The following PTPRD variants were observed in gnomAD, a reference collection of about 807,000 sequenced individuals.
PTPRD encodes the protein receptor-type tyrosine-protein phosphatase delta.
In PTPRD, 34 loss-of-function variants were observed where a neutral mutation model predicts 214.5. The observed-to-expected ratio is 0.16, with a 90% CI of 0.12 to 0.21. The LOEUF is 0.21. PTPRD is among the 10% of genes least tolerant of loss of function. The pLI, the probability that PTPRD is intolerant of heterozygous loss-of-function variation, is 1.00. For missense variants in PTPRD, 2,545 were observed against 2,398.7 expected (o/e 1.06, Z -1.27); for synonymous variants, 1,128 against 845.7 (o/e 1.33, Z -5.79).
rs199934546 is a variant in PTPRD at position 9,784,830 on chromosome 9, G to A, written c.-367-17979C>T. Among the ~76,000 whole-genome samples the A allele has an allele frequency of 9.6e-5, 14 of 146,186 alleles. No homozygotes were observed. In the East Asian group the frequency reaches 2.5e-3, roughly 26 times the overall value. On this transcript the variant is annotated intron_variant, in intron 5 of 45. Transcript: ENST00000381196. ...ATCATAAAACATATATTAGATATAT[G>A]TATGATGTCTTAATAATGTATTATA...
At chr9:9,159,473 C>T (rs544061930) in intron 10 of PTPRD, among the ~76,000 whole-genome samples, 14 of 151,872 alleles carry the variant, frequency 9.2e-5, no homozygotes, top group Non-Finnish European at 2.1e-4. Context: ...GCAACAACAA[C>T]AAAATATGTA....
At position 9,830,720 on chromosome 9, in the gene PTPRD, G is replaced by C. The variant is rs1010769672; in HGVS notation, c.-367-63869C>G. Among the ~76,000 whole-genome samples the C allele has an allele frequency of 2.0e-4, 31 of 151,886 alleles. 1 individual carries two copies. The highest frequency in any genetic ancestry group is 7.0e-4 in the African/African-American group (29 of 41,412). ...ACAATATAATATTGAAAGACTGGCA[G>C]TGAAATGGTGTGAAGTCCACTGATG... On this transcript the variant is annotated intron_variant, in intron 5 of 45. Transcript: ENST00000381196.
chr9:9,775,349 A>G (rs1565167853), intron 5 of PTPRD, among the ~76,000 whole-genome samples: 1 of 152,216 alleles, frequency 6.6e-6, no homozygotes, highest in Non-Finnish European at 1.5e-5. Context: ...GGGTTTTAAG[A>G]AGGAGGAGAT....
chr9:9,496,670 G>C (rs1030704851), intron 8 of PTPRD, among the ~76,000 whole-genome samples: 7 of 152,110 alleles, frequency 4.6e-5, no homozygotes, highest in African/African-American at 1.2e-4. Flanking sequence ...AAATGATATA[G>C]CTGCTGTGGA....
intron 3 of PTPRD, among the ~76,000 whole-genome samples, chr9:10,208,528 C>A (rs1462323855): frequency 6.6e-6 from 1 of 152,094 alleles, no homozygotes; most frequent in Non-Finnish European, 1.5e-5. Flanking sequence ...AATAAAAAGA[C>A]TAAAACCGCT....
chr9:9,770,362 T>C (rs566675053), intron 5 of PTPRD, among the ~76,000 whole-genome samples: 67 of 152,338 alleles, frequency 4.4e-4, no homozygotes, highest in Non-Finnish European at 7.6e-4. Flanking sequence ...CCAAAGTCAC[T>C]TTTAAGAAAA....
chr9:9,912,085 G>T (rs901971519), intron 5 of PTPRD, among the ~76,000 whole-genome samples: 5 of 152,112 alleles, frequency 3.3e-5, no homozygotes, highest in African/African-American at 7.2e-5. Flanking sequence ...AATATATATT[G>T]TAAGTGGGGG....
At chr9:10,208,509 G>T (rs993329705) in intron 3 of PTPRD, among the ~76,000 whole-genome samples, 1 of 152,174 alleles carries the variant, frequency 6.6e-6, no homozygotes. Context: ...GCGAGACTGC[G>T]TCTCAAAAAA....
intron 17 of PTPRD, chr9:8,525,295 AAC>A: frequency 1.7e-6 from 1 of 575,082 alleles, no homozygotes; most frequent in Non-Finnish European, 3.1e-6. Flanking sequence ...AGTCATAATT[AAC>A]ACTCTTATTT....
At position 10,604,384 on chromosome 9, in the gene PTPRD, A is replaced by C. The variant is rs1011063029; in HGVS notation, c.-600+8014T>G. Among the ~76,000 whole-genome samples, 6 of 151,982 alleles carry C rather than the reference A, an allele frequency of 3.9e-5. No individual in the cohort carries two copies. In the East Asian group the frequency reaches 1.2e-3, roughly 29 times the overall value. Reference sequence around the variant, plus strand: ...ATGAATGTGTCTTAGTGAATGTGTAATTTGTTTTATTAAATCCTGGCATGT... The same window carrying C: ...ATGAATGTGTCTTAGTGAATGTGTACTTTGTTTTATTAAATCCTGGCATGT... On this transcript the variant is annotated intron_variant, in intron 2 of 45. Transcript: ENST00000381196.
intron 10 of PTPRD, among the ~76,000 whole-genome samples, chr9:9,124,324 C>G (rs990922718): frequency 6.6e-6 from 1 of 152,032 alleles, no homozygotes; most frequent in Non-Finnish European, 1.5e-5. Context: ...TTCTAACTAT[C>G]TATCTATCTA....
At chr9:9,770,993 C>G (rs2098747603) in intron 5 of PTPRD, among the ~76,000 whole-genome samples, 1 of 152,068 alleles carries the variant, frequency 6.6e-6, no homozygotes, top group Non-Finnish European at 1.5e-5. Flanking sequence ...TGTGTTTTGA[C>G]TACAATAAGA....
chr9:9,675,945 A>G (rs1281371603), intron 7 of PTPRD, among the ~76,000 whole-genome samples: 1 of 152,068 alleles, frequency 6.6e-6, no homozygotes, highest in Admixed American at 6.6e-5. Flanking sequence ...ACTATACCCA[A>G]CAATGTTTCA....
rs182143935 is a variant in PTPRD at position 9,508,941 on chromosome 9, T to A, written c.-237+65791A>T. ...CTTGCATTTACCATATATATATTAATTACATGTTACTGCGTTCGCTAAATA... is the reference window on the plus strand; with the variant it reads ...CTTGCATTTACCATATATATATTAAATACATGTTACTGCGTTCGCTAAATA... On this transcript the variant is annotated intron_variant, in intron 8 of 45. Transcript: ENST00000381196. 3.5e-3 allele frequency among the ~76,000 whole-genome samples: 533 copies of A among 151,714 alleles called. 2 individuals are homozygous for A. Among genetic ancestry groups the A allele is most frequent in the Non-Finnish European group, 5.8e-3 (395 of 67,690 alleles).
At chr9:10,171,167 TA>T (rs1394752041) in intron 3 of PTPRD, among the ~76,000 whole-genome samples, 1 of 152,216 alleles carries the variant, frequency 6.6e-6, no homozygotes, top group Non-Finnish European at 1.5e-5. Flanking sequence ...CTGGGAGATC[TA>T]CTGTTCAACT....
At chr9:9,194,561 G>A (rs535215405) in intron 9 of PTPRD, among the ~76,000 whole-genome samples, 2 of 152,230 alleles carry the variant, frequency 1.3e-5, no homozygotes, top group East Asian at 1.9e-4. Flanking sequence ...CCACTGTCAT[G>A]TACTTGGTCT....
Position 8,440,476 on chromosome 9 carries a change from G to A in PTPRD, c.3989-3787C>T, listed in dbSNP as rs147393044. 5.7e-3 allele frequency among the ~76,000 whole-genome samples: 874 copies of A among 152,040 alleles called. 7 individuals are homozygous for A. The highest frequency in any genetic ancestry group is 0.02 in the African/African-American group (811 of 41,478). On this transcript the variant is annotated intron_variant, in intron 34 of 45. Coordinates refer to ENST00000381196, the MANE Select transcript of PTPRD (RefSeq NM_002839.4). ...ATTACAGGGACGCGCCACCACACCC[G>A]GCTAATTTTTATATTTTTAGTAGAG...
At chr9:9,941,868 A>G (rs762545085) in intron 4 of PTPRD, among the ~76,000 whole-genome samples, 1 of 152,202 alleles carries the variant, frequency 6.6e-6, no homozygotes, top group African/African-American at 2.4e-5. Context: ...ATTGATTTCC[A>G]GAAGAAAAAT....
chr9:8,352,211 A>C (rs1355666902), intron 39 of PTPRD, among the ~76,000 whole-genome samples: 2 of 152,142 alleles, frequency 1.3e-5, no homozygotes, highest in African/African-American at 4.8e-5. Flanking sequence ...TTCTCATGAT[A>C]AATTAGAAGG....
Sources: allele counts gnomAD v4.1 joint callset (sites outside exome capture counted in the v4.1 genomes callset), GRCh38; gene constraint gnomAD v4.1.1; transcripts MANE v1.5; gene names NCBI Gene and HGNC (gene_info 2026-07-23, HGNC 2026-07-21).